IL1RAPL1: variants seen among roughly 807,000 people sequenced by gnomAD.
IL1RAPL1 encodes the protein interleukin-1 receptor accessory protein-like 1.
In IL1RAPL1, 3 loss-of-function variants were observed where a neutral mutation model predicts 48.4. That is an observed-to-expected ratio of 0.06 (90% CI 0.03 to 0.16). IL1RAPL1 has a LOEUF of 0.16. IL1RAPL1 is among the 10% of genes least tolerant of loss of function. The probability of loss-of-function intolerance (pLI) is 1.00; values close to 1 mark genes in which losing one functional copy is unlikely to be tolerated. For synonymous variants in IL1RAPL1, 185 were observed against 187.7 expected, an observed-to-expected ratio of 0.99 and a Z score of 0.12; for missense variants, 349 against 530.6, an observed-to-expected ratio of 0.66 and a Z score of 3.36.
intron 2 of IL1RAPL1, among the ~76,000 whole-genome samples, chrX:28,815,825 G>A (rs1936856997): frequency 1.6e-5 from 1 of 63,161 alleles, no homozygotes; most frequent in African/African-American, 5.7e-5. Flanking sequence ...TATTGTGTAT[G>A]TATGTGTGTT....
At chrX:28,666,035 G>C (rs997488514) in intron 1 of IL1RAPL1, among the ~76,000 whole-genome samples, 1 of 111,801 alleles carries the variant, frequency 8.9e-6, no homozygotes, top group Non-Finnish European at 1.9e-5. Context: ...CACTCAGACC[G>C]ACACTCTCCA....
intron 8 of IL1RAPL1, among the ~76,000 whole-genome samples, chrX:29,935,585 C>T (rs1221819172): frequency 8.9e-6 from 1 of 111,901 alleles, no homozygotes; most frequent in Non-Finnish European, 1.9e-5. Context: ...ACCAGCTTAA[C>T]ACCCTTCTTG....
chrX:28,779,257 T>C (rs1210361697), intron 1 of IL1RAPL1, among the ~76,000 whole-genome samples: 1 of 111,201 alleles, frequency 9.0e-6, no homozygotes, highest in Admixed American at 9.6e-5. Flanking sequence ...ATTGAAGCCT[T>C]TTCCTAGCCA....
chrX:29,417,960 A>C (rs1467512634), intron 5 of IL1RAPL1, among the ~76,000 whole-genome samples: 2 of 107,010 alleles, frequency 1.9e-5, no homozygotes, highest in African/African-American at 6.8e-5. Flanking sequence ...TATTTACTTA[A>C]ATATTTTGGT....
intron 6 of IL1RAPL1, among the ~76,000 whole-genome samples, chrX:29,690,195 A>G (rs1490090108): frequency 8.9e-6 from 1 of 111,752 alleles, no homozygotes; most frequent in African/African-American, 3.3e-5. Context: ...AATGTTGTAA[A>G]GAGGAGCAAC....
chrX:29,787,463 G>C (rs5928367), intron 6 of IL1RAPL1, among the ~76,000 whole-genome samples: 49,373 of 110,905 alleles, frequency 0.45, 8,252 homozygotes, highest in East Asian at 0.74. Context: ...GGCTTTGCTA[G>C]TTCTATATTA....
In IL1RAPL1 at chrX:28,617,955, C is replaced by T. The variant is rs765819177; in HGVS notation, c.-25+29908C>T. Among the ~76,000 whole-genome samples the T allele has an allele frequency of 2.3e-4, 26 of 112,030 alleles. 1 individual carries two copies. Among genetic ancestry groups the T allele is most frequent in the Non-Finnish European group, 3.6e-4 (19 of 53,198 alleles). Reference sequence around the variant, plus strand: ...ATTTTTTCTTATCCCATTCAACCTTCCAGTCCACTTGTAAGGCTACTTAAA... The same window carrying T: ...ATTTTTTCTTATCCCATTCAACCTTTCAGTCCACTTGTAAGGCTACTTAAA... On this transcript the variant is annotated intron_variant, in intron 1 of 10. Coordinates refer to ENST00000378993, the MANE Select transcript of IL1RAPL1 (RefSeq NM_014271.4).
chrX:29,873,443 T>C (rs765400374), intron 6 of IL1RAPL1, among the ~76,000 whole-genome samples: 2 of 106,643 alleles, frequency 1.9e-5, no homozygotes, highest in South Asian at 9.1e-4. Flanking sequence ...GTGAGACCTT[T>C]AGGAGTTGAT....
At chrX:29,137,439 T>C (rs1929156005) in intron 2 of IL1RAPL1, among the ~76,000 whole-genome samples, 1 of 112,159 alleles carries the variant, frequency 8.9e-6, no homozygotes, top group African/African-American at 3.2e-5. Context: ...GGAAATAACA[T>C]CCACTATTAT....
At chrX:28,779,148 C>A (rs1936390022) in intron 1 of IL1RAPL1, among the ~76,000 whole-genome samples, 1 of 111,501 alleles carries the variant, frequency 9.0e-6, no homozygotes, top group Non-Finnish European at 1.9e-5. Flanking sequence ...TCTTCACAGG[C>A]AAGCATCGGC....
At chrX:29,797,873 A>AAAAAC (rs932390275) in intron 6 of IL1RAPL1, among the ~76,000 whole-genome samples, 17 of 111,517 alleles carry the variant, frequency 1.5e-4, no homozygotes, top group Admixed American at 6.7e-4. Flanking sequence ...ACTCCATCTC[A>AAAAAC]AAAACAAAAC....
intron 5 of IL1RAPL1, among the ~76,000 whole-genome samples, chrX:29,481,947 G>A (rs1365006087): frequency 9.0e-6 from 1 of 111,672 alleles, no homozygotes; most frequent in Non-Finnish European, 1.9e-5. Context: ...ATTAAATGAA[G>A]AGGGAGGAAA....
At chrX:28,607,027 G>A (rs1357829500) in intron 1 of IL1RAPL1, among the ~76,000 whole-genome samples, 6 of 109,694 alleles carry the variant, frequency 5.5e-5, no homozygotes, top group African/African-American at 9.9e-5. Context: ...TAGTTATAAC[G>A]GAAAGTCTTT....
At chrX:29,288,455 C>A (rs1932319743) in intron 3 of IL1RAPL1, among the ~76,000 whole-genome samples, 1 of 111,782 alleles carries the variant, frequency 8.9e-6, no homozygotes, top group Non-Finnish European at 1.9e-5. Context: ...ATACTGGCTT[C>A]CAGCTCCATC....
chrX:29,687,799 A>C (rs996182110), intron 6 of IL1RAPL1, among the ~76,000 whole-genome samples: 6 of 111,840 alleles, frequency 5.4e-5, no homozygotes, highest in Admixed American at 9.5e-5. Context: ...CTATAGGAAA[A>C]AAAACCTCTG....
intron 3 of IL1RAPL1, among the ~76,000 whole-genome samples, chrX:29,324,484 A>T (rs1183592184): frequency 9.0e-6 from 1 of 111,120 alleles, no homozygotes; most frequent in Non-Finnish European, 1.9e-5. Context: ...ATTCTTCTTG[A>T]CCTCTCTGTG....
At chrX:29,319,558 G>A (rs6653815) in intron 3 of IL1RAPL1, among the ~76,000 whole-genome samples, 3,356 of 82,153 alleles carry the variant, frequency 0.041, 147 homozygotes, top group African/African-American at 0.14. Context: ...ATGTATGTAT[G>A]TATCTATCTA....
At chrX:29,333,402 G>T (rs1932913425) in intron 3 of IL1RAPL1, among the ~76,000 whole-genome samples, 1 of 102,280 alleles carries the variant, frequency 9.8e-6, no homozygotes, top group African/African-American at 3.5e-5. Flanking sequence ...GGCCGGGCGG[G>T]GGGCTGACCC....
chrX:29,801,076 A>AC (rs2063680017), intron 6 of IL1RAPL1, among the ~76,000 whole-genome samples: 4 of 87,007 alleles, frequency 4.6e-5, no homozygotes, highest in African/African-American at 2.3e-4. Flanking sequence ...AAAAAAAAAA[A>AC]AAAACTCATC....
Sources: allele counts gnomAD v4.1 joint callset (sites outside exome capture counted in the v4.1 genomes callset), GRCh38; gene constraint gnomAD v4.1.1; transcripts MANE v1.5; gene names NCBI Gene and HGNC (gene_info 2026-07-23, HGNC 2026-07-21).